MIGA1: variants seen among roughly 807,000 people sequenced by gnomAD.
MIGA1 encodes family with sequence similarity 73, member A.
A neutral mutation model predicts 82.0 loss-of-function variants in MIGA1; 58 were observed. The observed-to-expected ratio is 0.71, with a 90% CI of 0.57 to 0.88. The LOEUF (loss-of-function observed/expected upper bound fraction) is 0.88, where lower values mean the gene tolerates loss of function less well. Among genes scored for constraint, MIGA1 ranks in the 40% least tolerant of loss-of-function variants. The probability of loss-of-function intolerance (pLI) is 0.00; values close to 1 mark genes in which losing one functional copy is unlikely to be tolerated. For missense variants in MIGA1, 751 were observed against 749.1 expected, an observed-to-expected ratio of 1.00 and a Z score of -0.03; for synonymous variants, 249 against 253.6, an observed-to-expected ratio of 0.98 and a Z score of 0.17.
At chr1:77,836,981 A>G (rs1684458510) in intron 7 of MIGA1, among the ~76,000 whole-genome samples, 3 of 152,176 alleles carry the variant, frequency 2.0e-5, no homozygotes, top group African/African-American at 7.2e-5. Context: ...ACATATGTCA[A>G]GTAAAATAGT....
chr1:77,814,304 A>G (rs1259114273), intron 6 of MIGA1, among the ~76,000 whole-genome samples: 13 of 152,132 alleles, frequency 8.5e-5, no homozygotes, highest in Admixed American at 5.9e-4. Flanking sequence ...TTTTCTATCC[A>G]GGTAGTTGTT....
In MIGA1 at chr1:77,878,961, A is replaced by G. The variant is rs1481721406; in HGVS notation, c.*3897A>G. 3.2e-6 allele frequency: 1 copy of G among 309,758 alleles called. No individual in the cohort carries two copies. The highest frequency in any genetic ancestry group is 5.9e-6 in the Non-Finnish European group (1 of 169,618). The allele number at this position is 309,758 out of a possible 1,614,324, so 19.2% of individuals were successfully genotyped here. On this transcript the variant is annotated 3_prime_UTR_variant, in exon 16 of 16. Coordinates refer to ENST00000370791, the MANE Select transcript of MIGA1 (RefSeq NM_198549.4). Reference sequence around the variant, plus strand: ...TTTACAAATGTTTTCTTGCCTTAAAATGTAACATTTTCTACTTAAATTTAA... The same window carrying G: ...TTTACAAATGTTTTCTTGCCTTAAAGTGTAACATTTTCTACTTAAATTTAA...
intron 2 of MIGA1, among the ~76,000 whole-genome samples, chr1:77,797,200 G>A (rs1310429280): frequency 6.6e-6 from 1 of 152,146 alleles, no homozygotes; most frequent in Non-Finnish European, 1.5e-5. Flanking sequence ...CTGTTGAAGG[G>A]CATCCAGGTT....
intron 12 of MIGA1, among the ~76,000 whole-genome samples, chr1:77,863,141 A>G (rs1685534125): frequency 6.6e-6 from 1 of 152,080 alleles, no homozygotes. Flanking sequence ...CCTGATGCTC[A>G]CCCATTTTAT....
intron 6 of MIGA1, 48 bp from the exon 7 acceptor site, chr1:77,815,060 T>C: frequency 3.1e-6 from 4 of 1,297,724 alleles, no homozygotes; most frequent in Non-Finnish European, 4.1e-6. Flanking sequence ...ATTTAGAATT[T>C]TAACATTAGA....
rs1377779927 is a variant in MIGA1 at position 77,873,072 on chromosome 1, CTT to C, written c.1636_1637del (p.Leu546GlyfsTer3). 1.2e-6 allele frequency: 2 copies of C among 1,613,664 alleles called. No homozygotes were observed. Among genetic ancestry groups the C allele is most frequent in the Non-Finnish European group, 1.7e-6 (2 of 1,179,720 alleles). On this transcript the variant is annotated frameshift_variant, in exon 15 of 16. Transcript: ENST00000370791. LOFTEE classifies it high-confidence loss of function. ...ACATCAGTCCTGTCCTAGCCTGGGGCTTTTTGGGTCCTAGAAATTCTCTGTAT... is the reference window on the plus strand; with the variant it reads ...ACATCAGTCCTGTCCTAGCCTGGGGCTTTGGGTCCTAGAAATTCTCTGTAT...
chr1:77,820,530 T>G (rs1243918732), intron 7 of MIGA1, among the ~76,000 whole-genome samples: 2 of 152,146 alleles, frequency 1.3e-5, no homozygotes, highest in African/African-American at 4.8e-5. Context: ...AGGGTAACAA[T>G]GTGTATTGGC....
intron 14 of MIGA1, among the ~76,000 whole-genome samples, chr1:77,867,169 A>C (rs1008986202): frequency 3.3e-5 from 5 of 152,012 alleles, no homozygotes; most frequent in Non-Finnish European, 7.4e-5. Flanking sequence ...TGTTTTCCTC[A>C]TACACTCCTA....
intron 7 of MIGA1, among the ~76,000 whole-genome samples, chr1:77,823,031 C>A (rs1443132886): frequency 6.6e-6 from 1 of 150,904 alleles, no homozygotes; most frequent in Non-Finnish European, 1.5e-5. Context: ...TTAGTAGAGA[C>A]GGGGTTTCAC....
rs1164299160 is a variant in MIGA1, at chr1:77,878,036, A to C, written c.*2972A>C. The C allele has an allele frequency of 6.6e-6, 1 of 152,176 alleles. No individual in the cohort carries two copies. The highest frequency in any genetic ancestry group is 1.5e-5 in the Non-Finnish European group (1 of 68,040). The allele number at this position is 152,176 out of a possible 1,614,324, so 9.4% of individuals were successfully genotyped here. A position where few individuals can be genotyped will look rare whatever the true frequency, so the allele number is the denominator to read the frequency against. On this transcript the variant is annotated 3_prime_UTR_variant, in exon 16 of 16. Transcript: ENST00000370791. ...CTTTATCGTAAGATAAGAAACTTGA[A>C]CTTTTTAAAGGAAATGTCCTCTTGA...
At chr1:77,859,872 A>G (rs1685399720) in intron 10 of MIGA1, 168 bp from the exon 11 acceptor site, 2 of 539,612 alleles carry the variant, frequency 3.7e-6, no homozygotes, top group Admixed American at 7.3e-5. Context: ...ATAGGTTTCA[A>G]GAGTTCTTTT....
At chr1:77,817,680 C>T (rs973514795) in intron 7 of MIGA1, among the ~76,000 whole-genome samples, 1 of 152,168 alleles carries the variant, frequency 6.6e-6, no homozygotes, top group Non-Finnish European at 1.5e-5. Context: ...ACAACTGTTA[C>T]TTGACATTGA....
At chr1:77,853,212 A>C (rs1445348247) in intron 8 of MIGA1, 1 of 152,216 alleles carries the variant, frequency 6.6e-6, no homozygotes, top group East Asian at 1.9e-4. Context: ...ACTTGCAAAA[A>C]TTCAGAGAAC....
At chr1:77,797,354 C>T (rs1682698833) in intron 2 of MIGA1, among the ~76,000 whole-genome samples, 1 of 152,150 alleles carries the variant, frequency 6.6e-6, no homozygotes, top group African/African-American at 2.4e-5. Flanking sequence ...GCTGTCTATT[C>T]TACTGTATTG....
intron 7 of MIGA1, among the ~76,000 whole-genome samples, chr1:77,831,604 T>C (rs995089736): frequency 6.6e-6 from 1 of 152,212 alleles, no homozygotes; most frequent in Non-Finnish European, 1.5e-5. Context: ...TGTGGGATCC[T>C]ACCAATCTCT....
Position 77,810,882 on chromosome 1 carries a change from A to G in MIGA1, c.638-2852A>G, listed in dbSNP as rs1235476062. 82 of 1,611,498 alleles carry G rather than the reference A, an allele frequency of 5.1e-5. No homozygotes were observed. In the Admixed American group the frequency reaches 8.8e-4, roughly 17 times the overall value. ...AGGATCATTCCTTGTGCAAAGTTTG[A>G]TGTAGATGAAGATAAAGTGGTTTCT... On this transcript the variant is annotated intron_variant, in intron 5 of 15. Coordinates refer to ENST00000370791, the MANE Select transcript of MIGA1 (RefSeq NM_198549.4).
At chr1:77,847,603 C>A (rs1289505332) in intron 8 of MIGA1, 30 of 1,537,628 alleles carry the variant, frequency 2.0e-5, no homozygotes, top group African/African-American at 4.1e-5. Context: ...CAAGAGAGAG[C>A]TGAAGAAGAA....
intron 7 of MIGA1, among the ~76,000 whole-genome samples, chr1:77,822,354 A>C (rs1218137635): frequency 6.6e-6 from 1 of 152,142 alleles, no homozygotes; most frequent in East Asian, 1.9e-4. Context: ...TGAGCTCAGA[A>C]GTTCGAGGCT....
At chr1:77,871,094 G>GGGGAGAGGGAGAGGGAGA (rs1325089726) in intron 14 of MIGA1, among the ~76,000 whole-genome samples, 1 of 53,378 alleles carries the variant, frequency 1.9e-5, no homozygotes, top group African/African-American at 6.4e-5. Flanking sequence ...CCGTGGGAAG[G>GGGGAGAGGGAGAGGGAGA]GGGAGAGGGA....
Sources: allele counts gnomAD v4.1 joint callset (sites outside exome capture counted in the v4.1 genomes callset), GRCh38; gene constraint gnomAD v4.1.1; transcripts MANE v1.5; gene names NCBI Gene and HGNC (gene_info 2026-07-23, HGNC 2026-07-21).